Variants in CFAP46 observed in about 807,000 individuals in gnomAD.
The protein encoded by CFAP46 is cilia and flagella associated protein 46, also known as cilia- and flagella-associated protein 46.
A neutral mutation model predicts 325.7 loss-of-function variants in CFAP46; 245 were observed. The observed-to-expected ratio is 0.75, with a 90% CI of 0.68 to 0.84. The LOEUF (loss-of-function observed/expected upper bound fraction) is 0.84, where lower values mean the gene tolerates loss of function less well. Ranked by LOEUF, CFAP46 falls within the 40% of genes least tolerant of loss-of-function variation. CFAP46 has a pLI of 0.00. For missense variants in CFAP46, 3,346 were observed against 3,543.0 expected (o/e 0.94, Z 1.41); for synonymous variants, 1,523 against 1,495.9 (o/e 1.02, Z -0.42).
At chr10:132,928,822 A>G (rs890729498) in intron 9 of CFAP46, among the ~76,000 whole-genome samples, 1 of 152,190 alleles carries the variant, frequency 6.6e-6, no homozygotes, top group Non-Finnish European at 1.5e-5. Context: ...AGTTCCTGAA[A>G]GCATCGGCAA....
rs1384018752 is a variant in CFAP46 at position 132,877,053 on chromosome 10, G to C, written c.4213-92C>G. The C allele has an allele frequency of 1.5e-6, 2 of 1,349,420 alleles. No individual in the cohort carries two copies. Among genetic ancestry groups the C allele is most frequent in the African/African-American group, 2.9e-5 (2 of 68,494 alleles). The allele number at this position is 1,349,420 out of a possible 1,614,324, so 83.6% of individuals were successfully genotyped here. A position where few individuals can be genotyped will look rare whatever the true frequency, so the allele number is the denominator to read the frequency against. On this transcript the variant is annotated intron_variant, in intron 30 of 57. Coordinates refer to ENST00000368586, the MANE Select transcript of CFAP46 (RefSeq NM_001200049.3). This position sits in a 1 kb window ranked among gnomAD's most constrained non-coding sequence, Gnocchi z 5.7. The stretch of plus-strand genomic sequence containing the variant: ...ACCGGCATGGCTGTGCAGCATTCAG[G>C]CCACAGCCCTGGGCAGCCGGCATCC...
intron 7 of CFAP46, 117 bp downstream of exon 7, chr10:132,936,844 C>CA: frequency 2.0e-6 from 1 of 498,356 alleles, no homozygotes; most frequent in Admixed American, 4.0e-5. Flanking sequence ...CCACTCACTG[C>CA]AACTCCAGAC....
rs374552340 is a variant in CFAP46, at chr10:132,917,900, C to T, written c.1986+493G>A. 7.3e-5 allele frequency among the ~76,000 whole-genome samples: 11 copies of T among 150,652 alleles called. No individual in the cohort carries two copies. The East Asian group carries it at 1.4e-3, about 19-fold the overall frequency. ...ATTGATAAGCCCCAGTTCCAGGATGCACCTCAGCACCGATGAACCCCCCTC... is the reference window on the plus strand; with the variant it reads ...ATTGATAAGCCCCAGTTCCAGGATGTACCTCAGCACCGATGAACCCCCCTC... On this transcript the variant is annotated intron_variant, in intron 16 of 57. Coordinates refer to ENST00000368586, the MANE Select transcript of CFAP46 (RefSeq NM_001200049.3).
In CFAP46 at chr10:132,884,029, C is replaced by T. The variant is rs994627240; in HGVS notation, c.3627+1074G>A. On this transcript the variant is annotated intron_variant, in intron 27 of 57. Transcript: ENST00000368586. The surrounding 1 kb of genome is among the most constrained non-coding windows in gnomAD (Gnocchi z 5.4). ...AACAAAGACAACTGAAGGAAGGACT[C>T]GGGTAAGTGAAGACAGAAAACACTT... Among the ~76,000 whole-genome samples, 5 of 152,198 alleles carry T rather than the reference C, an allele frequency of 3.3e-5. No individual in the cohort carries two copies. The highest frequency in any genetic ancestry group is 3.8e-4 in the East Asian group (2 of 5,200).
At chr10:132,821,734 T>G (rs1489594227) in intron 50 of CFAP46, among the ~76,000 whole-genome samples, 355 of 122,840 alleles carry the variant, frequency 2.9e-3, no homozygotes, top group African/African-American at 1.0e-2. Context: ...TGACGTGTGC[T>G]GTGTGTGCGC....
Position 132,885,948 on chromosome 10 carries a change from C to T in CFAP46, c.3316G>A (p.Asp1106Asn), listed in dbSNP as rs780464221. The part of the protein sequence containing the change: ...EGYFLPGAED[D>N]LALRAALYGL... ...TAGAGCGCAGCACGGAGCGCCAGGT[C>T]GTCCTCAGCCCCTGGGAGGGAGAAG... The change falls in exon 26 of 58, where the codon GAC becomes AAC. Residue 1106 changes from aspartate to asparagine, a missense_variant. Physicochemically the swap from Asp to Asn is conservative, Grantham distance 23. Transcript: ENST00000368586. The T allele has an allele frequency of 3.2e-5, 49 of 1,549,906 alleles. No homozygotes were observed. In the Admixed American group the frequency reaches 4.9e-4, roughly 16 times the overall value.
chr10:132,896,719 T>C (rs547734187), intron 24 of CFAP46, among the ~76,000 whole-genome samples: 47 of 152,242 alleles, frequency 3.1e-4, no homozygotes, highest in African/African-American at 9.1e-4. Flanking sequence ...AAAATATATA[T>C]AATTTTAAAA....
chr10:132,820,505 G>A (rs1847773678), intron 50 of CFAP46, among the ~76,000 whole-genome samples: 1 of 150,852 alleles, frequency 6.6e-6, no homozygotes, highest in Non-Finnish European at 1.5e-5. Flanking sequence ...GTGCTGATGT[G>A]TGCTGTGAGT....
chr10:132,832,452 C>A lies in CFAP46; in HGVS notation c.7117+906G>T, dbSNP rs535292520. 1.4e-5 allele frequency among the ~76,000 whole-genome samples: 2 copies of A among 141,664 alleles called. No individual in the cohort carries two copies. Among genetic ancestry groups the A allele is most frequent in the African/African-American group, 2.6e-5 (1 of 38,036 alleles). 92.9% of individuals were successfully genotyped at this position (141,664 alleles called of 152,430 possible). A position where few individuals can be genotyped will look rare whatever the true frequency, so the allele number is the denominator to read the frequency against. ...AGAGTAAGACCTGGGTGGGCCATGG[C>A]GCTCGCCAGCCAAACCCCCTTCGAG... On this transcript the variant is annotated intron_variant, in intron 50 of 57. Transcript: ENST00000368586. This position sits in a 1 kb window ranked among gnomAD's most constrained non-coding sequence, Gnocchi z 4.1.
intron 17 of CFAP46, among the ~76,000 whole-genome samples, chr10:132,913,971 C>A (rs192109148): frequency 6.6e-6 from 1 of 152,154 alleles, no homozygotes; most frequent in African/African-American, 2.4e-5. Context: ...CCCGTGGCCA[C>A]GAGTGCTCAC....
intron 33 of CFAP46, among the ~76,000 whole-genome samples, chr10:132,868,025 C>G (rs1227862922): frequency 6.6e-6 from 1 of 152,188 alleles, no homozygotes; most frequent in Non-Finnish European, 1.5e-5. Context: ...CCAGAGAGGT[C>G]CTTTAGAAGG....
At chr10:132,891,271 C>T (rs1432770949) in intron 25 of CFAP46, among the ~76,000 whole-genome samples, 1 of 152,210 alleles carries the variant, frequency 6.6e-6, no homozygotes, top group African/African-American at 2.4e-5. Context: ...GGGCCCTCCT[C>T]TCGGCCAAGG....
At chr10:132,842,601 T>A (rs1848363080) in intron 44 of CFAP46, among the ~76,000 whole-genome samples, 1 of 152,258 alleles carries the variant, frequency 6.6e-6, no homozygotes, top group African/African-American at 2.4e-5. Flanking sequence ...TCATTATTGT[T>A]AACCACCCCA....
intron 44 of CFAP46, among the ~76,000 whole-genome samples, chr10:132,844,248 G>T (rs556617550): frequency 1.3e-5 from 2 of 152,034 alleles, no homozygotes. Context: ...TAGCTGCAGC[G>T]CAGTGACCTC....
chr10:132,824,846 G>A (rs1335658182), intron 50 of CFAP46, among the ~76,000 whole-genome samples: 192 of 134,392 alleles, frequency 1.4e-3, no homozygotes, highest in African/African-American at 5.1e-3. Context: ...CTGTGTGAGC[G>A]CTGATGTGTG....
chr10:132,823,961 G>C (rs1399044350), intron 50 of CFAP46, among the ~76,000 whole-genome samples: 4 of 137,382 alleles, frequency 2.9e-5, no homozygotes, highest in Admixed American at 7.3e-5. Flanking sequence ...GATGTGTGCT[G>C]TGTGAGTGCT....
At chr10:132,856,574 C>G (rs948126718) in intron 39 of CFAP46, among the ~76,000 whole-genome samples, 17 of 152,242 alleles carry the variant, frequency 1.1e-4, no homozygotes, top group East Asian at 9.7e-4. Context: ...ATGTTTTCTC[C>G]TGCCATCATT....
chr10:132,861,999 T>C (rs981418155), intron 35 of CFAP46, among the ~76,000 whole-genome samples: 1 of 152,226 alleles, frequency 6.6e-6, no homozygotes, highest in African/African-American at 2.4e-5. Context: ...CATGCCCCAG[T>C]TGTGCCCCTG....
Position 132,876,280 on chromosome 10 carries a change from G to A in CFAP46, c.4362+532C>T, listed in dbSNP as rs185952923. 5.9e-4 allele frequency among the ~76,000 whole-genome samples: 90 copies of A among 152,372 alleles called. No individual in the cohort carries two copies. The highest frequency in any genetic ancestry group is 1.9e-3 in the African/African-American group (81 of 41,588). On this transcript the variant is annotated intron_variant, in intron 31 of 57. Coordinates refer to ENST00000368586, the MANE Select transcript of CFAP46 (RefSeq NM_001200049.3). The surrounding 1 kb of genome is among the most constrained non-coding windows in gnomAD (Gnocchi z 4.1). The stretch of plus-strand genomic sequence containing the variant: ...CCACTATGGAGGGCAGCATGGCAGC[G>A]TGGCACCAAACACCGCAGGTGGAGA...
Sources: gnomAD v4.1 joint callset for allele counts (sites outside exome capture counted in the v4.1 genomes callset) on GRCh38, gnomAD v4.1.1 for gene constraint, Gnocchi (gnomAD v3.1) non-coding constraint, MANE v1.5 for transcripts, NCBI Gene and HGNC (gene_info 2026-07-23, HGNC 2026-07-21) for gene names.